The following SEC14L6 variants were observed in gnomAD, a reference collection of about 807,000 sequenced individuals.
SEC14L6 encodes the protein SEC14 like lipid binding 6, also known as SEC14-like protein 6.
A neutral mutation model predicts 54.1 loss-of-function variants in SEC14L6; 40 were observed. That is an observed-to-expected ratio of 0.74 (90% confidence interval 0.57 to 0.96). The LOEUF is 0.96. Ranked by LOEUF, SEC14L6 falls within the 40% of genes least tolerant of loss-of-function variation. The probability of loss-of-function intolerance (pLI) is 0.00; values close to 1 mark genes in which losing one functional copy is unlikely to be tolerated. For missense variants in SEC14L6, 471 were observed against 498.3 expected (o/e 0.95, Z 0.52); for synonymous variants, 171 against 198.4 (o/e 0.86, Z 1.16).
At chr22:30,532,027 C>A in intron 5 of SEC14L6, 29 bp from the exon 6 acceptor site, 1 of 1,545,906 alleles carries the variant, frequency 6.5e-7, no homozygotes, top group Non-Finnish European at 8.7e-7. Flanking sequence ...GGGTGAGACC[C>A]TGTGAGGGCC....
chr22:30,525,256 C>T, intron 11 of SEC14L6, 94 bp downstream of exon 11: 1 of 1,470,712 alleles, frequency 6.8e-7, no homozygotes. Flanking sequence ...CCCACCAGAA[C>T]CAAGGGCCCT....
chr22:30,542,623 C>A, intron 1 of SEC14L6: 2 of 1,536,900 alleles, frequency 1.3e-6, no homozygotes, highest in South Asian at 2.4e-5. Flanking sequence ...GCTCTGCCTG[C>A]TGCTCCCCGC....
At chr22:30,540,985 C>G (rs1408297236) in intron 1 of SEC14L6, among the ~76,000 whole-genome samples, 1 of 150,454 alleles carries the variant, frequency 6.6e-6, no homozygotes, top group Non-Finnish European at 1.5e-5. Context: ...CACCACTGCA[C>G]TCCAGCCTGG....
Position 30,525,050 on chromosome 22 carries a change from C to G in SEC14L6, c.1141G>C (p.Val381Leu), listed in dbSNP as rs200443600. 9.7e-6 allele frequency: 15 copies of G among 1,549,940 alleles called. No individual in the cohort carries two copies. In the African/African-American group the frequency reaches 2.1e-4, roughly 21 times the overall value. ...GTTTGGTCTGGGAGCAGTACCTCCA[C>G]GGTGTAGCTGATGCGTTTAGAATGA... ...LVHSKRISYTVEVLLPDQTFM... is the reference protein window; with the variant it reads ...LVHSKRISYTLEVLLPDQTFM... Residue 381 changes from valine (V) to leucine (L), a missense_variant, in exon 12 of 12, where the codon GTG becomes CTG. Val to Leu is a conservative substitution (Grantham distance 32). Transcript: ENST00000402034.
At chr22:30,527,714 C>CA (rs778118906) in intron 8 of SEC14L6, among the ~76,000 whole-genome samples, 2,162 of 29,888 alleles carry the variant, frequency 0.072, 193 homozygotes, top group African/African-American at 0.089. Context: ...GACCTTGTCT[C>CA]AAAAAAAAAA....
chr22:30,525,761 A>T lies in SEC14L6; in HGVS notation c.772-11T>A, dbSNP rs566215290. On this transcript the variant is annotated splice_polypyrimidine_tract_variant and intron_variant, in intron 9 of 11. Coordinates refer to ENST00000402034, the MANE Select transcript of SEC14L6 (RefSeq NM_001193336.4). Reference sequence around the variant, plus strand: ...ACCCCCGTAGTTGATCTGTGGGTGAAGGGGGTGTGTGGGCACTAGGTCACA... The same window carrying T: ...ACCCCCGTAGTTGATCTGTGGGTGATGGGGGTGTGTGGGCACTAGGTCACA... 7 of 1,613,870 alleles carry T rather than the reference A, an allele frequency of 4.3e-6. No individual in the cohort carries two copies. Among genetic ancestry groups the T allele is most frequent in the Non-Finnish European group, 5.1e-6 (6 of 1,179,840 alleles).
chr22:30,532,352 C>A, intron 5 of SEC14L6, 173 bp downstream of exon 5: 1 of 942,372 alleles, frequency 1.1e-6, no homozygotes. Flanking sequence ...CCAGTTCAGC[C>A]ACATACTGTG....
rs1055728423 is a variant in SEC14L6 at position 30,532,683 on chromosome 22, A to C, written c.265T>G (p.Cys89Gly). ...GGGCTGCCCTCACCGTCGTGGCCGC[A>C]TATGCCGTTAGCGTTGTACAGCCTG... ...VVRLYNANGI[C>G]GHDGEGSPVW... Residue 89 changes from cysteine to glycine, a missense_variant, in exon 5 of 12, where the codon TGC (cysteine) becomes GGC (glycine). Physicochemically the swap from Cys to Gly is radical, Grantham distance 159. Coordinates refer to ENST00000402034, the MANE Select transcript of SEC14L6 (RefSeq NM_001193336.4). 6.4e-7 allele frequency: 1 copy of C among 1,555,260 alleles called. No homozygotes were observed. Among genetic ancestry groups the C allele is most frequent in the East Asian group, 2.4e-5 (1 of 41,236 alleles).
At chr22:30,531,231 A>G (rs1936958939) in intron 6 of SEC14L6, among the ~76,000 whole-genome samples, 1 of 151,798 alleles carries the variant, frequency 6.6e-6, no homozygotes, top group African/African-American at 2.4e-5. Context: ...AACATGGTGA[A>G]ACCCCCTCTC....
intron 1 of SEC14L6, among the ~76,000 whole-genome samples, chr22:30,545,078 G>A (rs572148972): frequency 4.6e-5 from 7 of 152,044 alleles, no homozygotes; most frequent in Admixed American, 2.6e-4. Flanking sequence ...AGGACCCGTC[G>A]TTGCCTCCAT....
chr22:30,546,175 G>A (rs1318249152), intron 1 of SEC14L6, among the ~76,000 whole-genome samples: 2 of 151,960 alleles, frequency 1.3e-5, no homozygotes, highest in African/African-American at 2.4e-5. Context: ...CTGAGATCAG[G>A]AATTCCAGAC....
At chr22:30,545,143 G>A (rs531666192) in intron 1 of SEC14L6, among the ~76,000 whole-genome samples, 8 of 152,146 alleles carry the variant, frequency 5.3e-5, no homozygotes, top group South Asian at 2.1e-4. Flanking sequence ...GTGCGACCAC[G>A]AAGGAAAGAC....
chr22:30,524,974 G>T lies in SEC14L6; in HGVS notation c.*23C>A. On this transcript the variant is annotated 3_prime_UTR_variant, in exon 12 of 12. Coordinates refer to ENST00000402034, the MANE Select transcript of SEC14L6 (RefSeq NM_001193336.4). ...TGTGGATTCAGAGATCAAAGAGGAG[G>T]GTGTGGGGACCATGAGGTTCACCTA... 1 of 1,168,786 alleles carries T rather than the reference G, an allele frequency of 8.6e-7. No individual in the cohort carries two copies. The highest frequency in any genetic ancestry group is 1.3e-5 in the South Asian group (1 of 76,456). 72.4% of individuals were successfully genotyped at this position (1,168,786 alleles called of 1,614,324 possible).
At chr22:30,533,114 C>T (rs1035796475) in intron 3 of SEC14L6, 1 of 985,302 alleles carries the variant, frequency 1.0e-6, no homozygotes, top group Non-Finnish European at 1.2e-6. Context: ...TGCATCCTTC[C>T]AGATGTTTCC....
chr22:30,532,356 TAC>T (rs1937006775), intron 5 of SEC14L6, 167 bp downstream of exon 5: 1 of 913,274 alleles, frequency 1.1e-6, no homozygotes, highest in African/African-American at 1.8e-5. Context: ...TTCAGCCACA[TAC>T]TGTGTGGCCT....
At chr22:30,535,822 T>C (rs980681254) in intron 2 of SEC14L6, among the ~76,000 whole-genome samples, 2 of 151,542 alleles carry the variant, frequency 1.3e-5, no homozygotes, top group African/African-American at 4.9e-5. Flanking sequence ...GTGATCCTCC[T>C]ACCTCAGCCT....
intron 2 of SEC14L6, among the ~76,000 whole-genome samples, chr22:30,534,460 G>A (rs1157090781): frequency 6.6e-6 from 1 of 150,936 alleles, no homozygotes; most frequent in Non-Finnish European, 1.5e-5. Flanking sequence ...CACCCAGGCT[G>A]GAGTGCAGTG....
chr22:30,544,957 C>T (rs547518082), intron 1 of SEC14L6, among the ~76,000 whole-genome samples: 13 of 152,266 alleles, frequency 8.5e-5, no homozygotes, highest in East Asian at 5.8e-4. Context: ...TCCACTCCAG[C>T]GCCCGGTCGC....
chr22:30,532,482 G>T, intron 5 of SEC14L6, 43 bp downstream of exon 5: 1 of 1,505,888 alleles, frequency 6.6e-7, no homozygotes, highest in African/African-American at 1.4e-5. Context: ...GGGGGTGAGG[G>T]TGCTGTGTCC....
Sources: allele counts gnomAD v4.1 joint callset (sites outside exome capture counted in the v4.1 genomes callset), GRCh38; gene constraint gnomAD v4.1.1; transcripts MANE v1.5; gene names NCBI Gene and HGNC (gene_info 2026-07-23, HGNC 2026-07-21).